The following FMN2 variants were observed in gnomAD, a reference collection of about 807,000 sequenced individuals.
FMN2 encodes formin 2.
Under a neutral mutation model 142.3 loss-of-function variants are expected in FMN2, and 51 were observed. The ratio of observed to expected loss-of-function variants is 0.36; its 90% CI spans 0.29 to 0.45. FMN2 has a LOEUF of 0.45. Among genes scored for constraint, FMN2 ranks in the 20% least tolerant of loss-of-function variants. FMN2 has a pLI of 1.00. For synonymous variants in FMN2, 882 were observed against 869.8 expected (o/e 1.01, Z -0.25); for missense variants, 1,936 against 2,122.8 (o/e 0.91, Z 1.73).
At chr1:240,374,216 C>T (rs1672966373) in intron 14 of FMN2, among the ~76,000 whole-genome samples, 1 of 152,200 alleles carries the variant, frequency 6.6e-6, no homozygotes, top group Admixed American at 6.5e-5. Context: ...TTATAGATCA[C>T]AGGCATAGTA....
At chr1:240,262,004 G>T (rs1356445849) in intron 7 of FMN2, among the ~76,000 whole-genome samples, 1 of 152,022 alleles carries the variant, frequency 6.6e-6, no homozygotes, top group Non-Finnish European at 1.5e-5. Flanking sequence ...CACACTCTGG[G>T]GGCTGTAGGA....
chr1:240,348,988 A>T (rs1394137002), intron 13 of FMN2, among the ~76,000 whole-genome samples: 1 of 152,138 alleles, frequency 6.6e-6, no homozygotes, highest in East Asian at 1.9e-4. Context: ...GACTGATTTG[A>T]TGGTGCAGAC....
rs1040947177 is a variant in FMN2 at position 240,143,058 on chromosome 1, C to G, written c.1782+19713C>G. On this transcript the variant is annotated intron_variant, in intron 2 of 17. Coordinates refer to ENST00000319653, the MANE Select transcript of FMN2 (RefSeq NM_020066.5). The stretch of plus-strand genomic sequence containing the variant: ...AAGCTGCCAGTCACTGTGGTAGGGG[C>G]AGAGGGTAAGTGTACCCTTCCCTAA... The G allele has an allele frequency of 2.7e-6, 4 of 1,498,956 alleles. No individual in the cohort carries two copies. The African/African-American group carries it at 5.5e-5, about 21-fold the overall frequency. The allele number at this position is 1,498,956 out of a possible 1,614,324, so 92.9% of individuals were successfully genotyped here.
chr1:240,180,237 G>A, intron 3 of FMN2: 1 of 1,143,948 alleles, frequency 8.7e-7, no homozygotes, highest in East Asian at 5.9e-5. Flanking sequence ...ATAAACCCCA[G>A]CAGTCATATA....
chr1:240,136,795 T>G (rs114136203), intron 2 of FMN2, among the ~76,000 whole-genome samples: 354 of 152,162 alleles, frequency 2.3e-3, no homozygotes, highest in Middle Eastern at 6.8e-3. Flanking sequence ...GAATCTGGCC[T>G]GGTGCGGTGG....
intron 7 of FMN2, among the ~76,000 whole-genome samples, chr1:240,264,752 G>A (rs1370152289): frequency 6.6e-6 from 1 of 152,072 alleles, no homozygotes; most frequent in African/African-American, 2.4e-5. Flanking sequence ...TGGTGTATAT[G>A]TGCCACGTTT....
intron 2 of FMN2, among the ~76,000 whole-genome samples, chr1:240,167,725 GTAT>G (rs1455234678): frequency 6.6e-6 from 1 of 152,086 alleles, no homozygotes; most frequent in Non-Finnish European, 1.5e-5. Context: ...TAAAAAATCT[GTAT>G]TATTTATAAA....
At chr1:240,251,090 G>T (rs959903461) in intron 6 of FMN2, among the ~76,000 whole-genome samples, 1 of 151,356 alleles carries the variant, frequency 6.6e-6, no homozygotes, top group South Asian at 2.1e-4. Context: ...GTTTAGTTCT[G>T]TTCTAATCTT....
chr1:240,277,693 C>G (rs571796115), intron 7 of FMN2, among the ~76,000 whole-genome samples: 4 of 151,692 alleles, frequency 2.6e-5, no homozygotes, highest in Non-Finnish European at 5.9e-5. Context: ...CCACCATGCC[C>G]GGCTAATTTT....
chr1:240,453,029 A>T (rs1253402992), intron 16 of FMN2, among the ~76,000 whole-genome samples: 1 of 152,182 alleles, frequency 6.6e-6, no homozygotes, highest in Non-Finnish European at 1.5e-5. Context: ...ACCCTTGACA[A>T]ATTAATGTAC....
chr1:240,112,330 C>G (rs1377606677), intron 1 of FMN2, among the ~76,000 whole-genome samples: 1 of 152,106 alleles, frequency 6.6e-6, no homozygotes, highest in African/African-American at 2.4e-5. Context: ...CCGGGTTTCA[C>G]CCTGTTGGCC....
chr1:240,340,072 C>G (rs1211951704), intron 13 of FMN2, among the ~76,000 whole-genome samples: 2 of 152,086 alleles, frequency 1.3e-5, no homozygotes, highest in South Asian at 4.1e-4. Context: ...TTAGAACATT[C>G]TAACTAACAA....
chr1:240,095,457 C>T (rs1399548779), intron 1 of FMN2, among the ~76,000 whole-genome samples: 1 of 151,940 alleles, frequency 6.6e-6, no homozygotes, highest in African/African-American at 2.4e-5. Flanking sequence ...TAGTAGCACA[C>T]TGTGCTAGGC....
At chr1:240,446,039 TCAAGAAAA>T (rs922769345) in intron 16 of FMN2, among the ~76,000 whole-genome samples, 8 of 152,120 alleles carry the variant, frequency 5.3e-5, no homozygotes, top group African/African-American at 1.7e-4. Context: ...ATGCTAGAGA[TCAAGAAAA>T]CAAGAAAACA....
chr1:240,328,563 A>AT (rs1265511665), intron 8 of FMN2, among the ~76,000 whole-genome samples: 1 of 11,592 alleles, frequency 8.6e-5, no homozygotes, highest in African/African-American at 1.3e-4. Flanking sequence ...ACTTTATTTT[A>AT]TTTATTTATT....
intron 14 of FMN2, among the ~76,000 whole-genome samples, chr1:240,365,081 A>G (rs1176018790): frequency 6.6e-6 from 1 of 152,194 alleles, no homozygotes; most frequent in Non-Finnish European, 1.5e-5. Flanking sequence ...CCAATGTTGT[A>G]TTTCATTTCT....
chr1:240,276,120 C>A (rs1267299791), intron 7 of FMN2, among the ~76,000 whole-genome samples: 1 of 152,122 alleles, frequency 6.6e-6, no homozygotes. Flanking sequence ...CCTGGGCAAT[C>A]CCTATCATTT....
At chr1:240,256,045 A>C (rs1270575873) in intron 6 of FMN2, among the ~76,000 whole-genome samples, 1 of 152,160 alleles carries the variant, frequency 6.6e-6, no homozygotes, top group African/African-American at 2.4e-5. Flanking sequence ...TGTCAATACT[A>C]TAGGGAGGTC....
intron 6 of FMN2, among the ~76,000 whole-genome samples, chr1:240,248,387 T>A (rs59566620): frequency 1.4e-5 from 2 of 141,374 alleles, no homozygotes; most frequent in Non-Finnish European, 3.1e-5. Context: ...TATATATATA[T>A]AACATACATG....
Sources: allele counts gnomAD v4.1 joint callset (sites outside exome capture counted in the v4.1 genomes callset), GRCh38; gene constraint gnomAD v4.1.1; transcripts MANE v1.5; gene names NCBI Gene and HGNC (gene_info 2026-07-23, HGNC 2026-07-21).